Variants in CCDC30 observed in about 807,000 individuals in gnomAD.
CCDC30 encodes the protein coiled-coil domain-containing protein 30.
CCDC30 carries 70 observed loss-of-function variants against 100.2 expected under a neutral mutation model. The ratio of observed to expected loss-of-function variants is 0.70; its 90% CI spans 0.58 to 0.85. The LOEUF (loss-of-function observed/expected upper bound fraction) is 0.85, where lower values mean the gene tolerates loss of function less well. CCDC30 is among the 40% of genes least tolerant of loss of function. CCDC30 has a pLI of 0.00. For synonymous variants in CCDC30, 233 were observed against 269.5 expected (o/e 0.86, Z 1.33); for missense variants, 652 against 771.2 (o/e 0.85, Z 1.83).
At chr1:42,532,337 A>G (rs1644818635) in intron 6 of CCDC30, among the ~76,000 whole-genome samples, 1 of 152,198 alleles carries the variant, frequency 6.6e-6, no homozygotes, top group Non-Finnish European at 1.5e-5. Context: ...GTGACTTAAA[A>G]AGGAAAAATA....
chr1:42,548,876 T>G (rs930794624), intron 6 of CCDC30, among the ~76,000 whole-genome samples: 1 of 152,202 alleles, frequency 6.6e-6, no homozygotes, highest in Non-Finnish European at 1.5e-5. Flanking sequence ...CATGGGCACA[T>G]GCACACAGAA....
chr1:42,480,613 T>A, intron 2 of CCDC30, 47 bp downstream of exon 2: 1 of 985,202 alleles, frequency 1.0e-6, no homozygotes, highest in Non-Finnish European at 1.2e-6. Context: ...TCATGAAGAC[T>A]GATTTATGTA....
intron 8 of CCDC30, among the ~76,000 whole-genome samples, chr1:42,579,019 T>C (rs541172447): frequency 2.0e-5 from 3 of 152,096 alleles, no homozygotes; most frequent in East Asian, 3.9e-4. Flanking sequence ...TGAGACAGAG[T>C]CTCGCTCTGT....
chr1:42,553,073 G>T (rs1347748415), intron 6 of CCDC30, among the ~76,000 whole-genome samples: 1 of 152,224 alleles, frequency 6.6e-6, no homozygotes, highest in Non-Finnish European at 1.5e-5. Context: ...AAGTGGAGGT[G>T]AAGGCACAGT....
intron 10 of CCDC30, among the ~76,000 whole-genome samples, chr1:42,607,706 C>T (rs1218880597): frequency 2.0e-5 from 3 of 151,732 alleles, no homozygotes; most frequent in Non-Finnish European, 2.9e-5. Flanking sequence ...TCAGTGAACA[C>T]GGATTTAAAG....
intron 6 of CCDC30, among the ~76,000 whole-genome samples, chr1:42,548,725 T>A (rs1199941786): frequency 6.6e-6 from 1 of 152,156 alleles, no homozygotes; most frequent in Non-Finnish European, 1.5e-5. Flanking sequence ...GAAGAAGCGA[T>A]GCCAAGGCAT....
intron 6 of CCDC30, among the ~76,000 whole-genome samples, chr1:42,547,833 G>T (rs74831982): frequency 1.3e-5 from 2 of 152,258 alleles, no homozygotes; most frequent in Admixed American, 6.5e-5. Context: ...GGGAGGTACC[G>T]AAGATGTAAA....
At chr1:42,504,552 T>A (rs574717489) in intron 6 of CCDC30, among the ~76,000 whole-genome samples, 1 of 152,310 alleles carries the variant, frequency 6.6e-6, no homozygotes, top group East Asian at 1.9e-4. Context: ...TTCCAATGGG[T>A]TGTAATACTC....
intron 6 of CCDC30, among the ~76,000 whole-genome samples, chr1:42,545,162 TAAAAA>T (rs57060353): frequency 8.0e-4 from 52 of 64,714 alleles, no homozygotes; most frequent in African/African-American, 1.8e-3. Flanking sequence ...AAAATACCTT[TAAAAA>T]AAAAAAAAAA....
intron 6 of CCDC30, chr1:42,535,115 A>G (rs1467136990): frequency 3.3e-5 from 5 of 152,216 alleles, no homozygotes; most frequent in Non-Finnish European, 5.9e-5. Context: ...TGTACATCCT[A>G]TGATTGTGAC....
At chr1:42,473,114 C>A (rs982958937) in intron 1 of CCDC30, 4 of 1,226,880 alleles carry the variant, frequency 3.3e-6, no homozygotes, top group African/African-American at 3.1e-5. Context: ...CTTATTTCTT[C>A]TATCAAGGGA....
chr1:42,556,713 T>C (rs558562442), intron 6 of CCDC30, among the ~76,000 whole-genome samples: 30 of 152,282 alleles, frequency 2.0e-4, no homozygotes, highest in Middle Eastern at 6.8e-3. Context: ...GCCTGAATAG[T>C]AGCAAAATAG....
At chr1:42,572,629 A>ATTTTTATTTTTTTTTT (rs1015946376) in intron 7 of CCDC30, among the ~76,000 whole-genome samples, 1 of 151,996 alleles carries the variant, frequency 6.6e-6, no homozygotes, top group East Asian at 1.9e-4. Context: ...TTGCTTATTT[A>ATTTTTATTTTTTTTTT]TTTTTGAGAT....
At chr1:42,534,114 C>T (rs575017431) in intron 6 of CCDC30, among the ~76,000 whole-genome samples, 28 of 151,810 alleles carry the variant, frequency 1.8e-4, no homozygotes, top group Non-Finnish European at 3.5e-4. Flanking sequence ...CAATGTGCCA[C>T]GTATTATGGT....
At chr1:42,488,051 A>G (rs1644079125) in intron 3 of CCDC30, among the ~76,000 whole-genome samples, 1 of 152,220 alleles carries the variant, frequency 6.6e-6, no homozygotes, top group East Asian at 1.9e-4. Flanking sequence ...ATTGACCATA[A>G]GTTGGTAATT....
At chr1:42,509,482 C>T (rs1314538839) in intron 6 of CCDC30, among the ~76,000 whole-genome samples, 2 of 152,120 alleles carry the variant, frequency 1.3e-5, no homozygotes, top group Non-Finnish European at 2.9e-5. Flanking sequence ...GAGTTTGAGA[C>T]CCCCACCCAG....
At chr1:42,632,996 G>C (rs1647069651) in intron 11 of CCDC30, among the ~76,000 whole-genome samples, 1 of 151,974 alleles carries the variant, frequency 6.6e-6, no homozygotes, top group South Asian at 2.1e-4. Context: ...TTTTAGTAGA[G>C]ATGTGGTTTC....
At position 42,474,918 on chromosome 1, in the gene CCDC30, A is replaced by G. The variant is rs577908461; in HGVS notation, c.-91-5543A>G. On this transcript the variant is annotated intron_variant, in intron 1 of 16. Transcript: ENST00000668663. ...TAACTGCAAGCTTTTCAAAGAATAC[A>G]CAACAATTTTTAATGTAATCTCCTG... Among the ~76,000 whole-genome samples, 125 of 152,344 alleles carry G rather than the reference A, an allele frequency of 8.2e-4. 1 individual carries two copies. Among genetic ancestry groups the G allele is most frequent in the Non-Finnish European group, 5.9e-4 (40 of 68,022 alleles).
At chr1:42,640,207 T>C (rs1425827562) in intron 12 of CCDC30, among the ~76,000 whole-genome samples, 1 of 152,242 alleles carries the variant, frequency 6.6e-6, no homozygotes, top group Non-Finnish European at 1.5e-5. Flanking sequence ...ATGCCACTTC[T>C]TTTGGCTTCA....
Sources: allele counts gnomAD v4.1 joint callset (sites outside exome capture counted in the v4.1 genomes callset), GRCh38; gene constraint gnomAD v4.1.1; transcripts MANE v1.5; gene names NCBI Gene and HGNC (gene_info 2026-07-23, HGNC 2026-07-21).